The following SERPINB8 variants were observed in gnomAD, a reference collection of about 807,000 sequenced individuals.
SERPINB8 encodes serpin family B member 8, also known as serpin B8.
A neutral mutation model predicts 35.3 loss-of-function variants in SERPINB8; 25 were observed. That is an observed-to-expected ratio of 0.71 (90% CI 0.52 to 0.99). The LOEUF is 0.99. Ranked by LOEUF, SERPINB8 falls within the 50% of genes least tolerant of loss-of-function variation. The probability of loss-of-function intolerance (pLI) is 0.00; values close to 1 mark genes in which losing one functional copy is unlikely to be tolerated. For synonymous variants in SERPINB8, 186 were observed against 160.8 expected, an observed-to-expected ratio of 1.16 and a Z score of -1.19; for missense variants, 484 against 446.5, an observed-to-expected ratio of 1.08 and a Z score of -0.76.
At chr18:63,997,556 T>A (rs1465495013) in intron 1 of SERPINB8, among the ~76,000 whole-genome samples, 2 of 152,176 alleles carry the variant, frequency 1.3e-5, no homozygotes, top group African/African-American at 4.8e-5. Flanking sequence ...TATGCTGGAA[T>A]GAGGTGCAGC....
rs139748351 is a variant in SERPINB8, at chr18:64,015,111, G to A, written c.*3-3799G>A. On this transcript the variant is annotated intron_variant, in intron 7 of 7. Coordinates refer to the SERPINB8 transcript ENST00000636430. ...ATACCATATTCTAGAAGCATAATGG[G>A]CAAAAAGTTTTTGTCCCTGTGGCTG... Among the ~76,000 whole-genome samples, 46 of 152,158 alleles carry A rather than the reference G, an allele frequency of 3.0e-4. No homozygotes were observed. The East Asian group carries it at 8.7e-3, about 29-fold the overall frequency.
chr18:63,991,275 A>G (rs529666877), downstream of SERPINB8, among the ~76,000 whole-genome samples: 1 of 152,210 alleles, frequency 6.6e-6, no homozygotes, highest in East Asian at 1.9e-4. Context: ...TTTGATTAGG[A>G]CTGTGTGAAT....
At chr18:64,018,686 A>G (rs1405791581) in intron 7 of SERPINB8, among the ~76,000 whole-genome samples, 1 of 152,182 alleles carries the variant, frequency 6.6e-6, no homozygotes. Flanking sequence ...ATACTCAGAG[A>G]AACCATTGGA....
rs2050781640 is a variant in SERPINB8 at position 63,987,591 on chromosome 18, C to T, written c.*313C>T. ...TGGAGCATCTCAGGGCTTCAGGAGC[C>T]AGCCCTCTTCCATCCGCCCGGCTCT... On this transcript the variant is annotated 3_prime_UTR_variant, in exon 7 of 7. Transcript: ENST00000397985. 1.4e-5 allele frequency: 3 copies of T among 213,304 alleles called. No individual in the cohort carries two copies. Among genetic ancestry groups the T allele is most frequent in the Non-Finnish European group, 1.6e-5 (2 of 122,622 alleles). The allele number at this position is 213,304 out of a possible 1,614,324, so 13.2% of individuals were successfully genotyped here. A position where few individuals can be genotyped will look rare whatever the true frequency, so the allele number is the denominator to read the frequency against.
intron 1 of SERPINB8, among the ~76,000 whole-genome samples, chr18:63,971,952 C>T (rs1484652189): frequency 6.6e-6 from 1 of 152,142 alleles, no homozygotes; most frequent in African/African-American, 2.4e-5. Flanking sequence ...TTATTTGCAT[C>T]CCCCATTTCA....
At chr18:63,985,061 T>C in intron 5 of SERPINB8, 32 bp from the exon 6 acceptor site, 1 of 1,610,920 alleles carries the variant, frequency 6.2e-7, no homozygotes, top group Non-Finnish European at 8.5e-7. Flanking sequence ...TATACCCACT[T>C]TTCAGTAATC....
Position 63,986,864 on chromosome 18 carries a change from C to T in SERPINB8, c.721-10C>T. On this transcript the variant is annotated splice_polypyrimidine_tract_variant and intron_variant, in intron 6 of 6. Coordinates refer to ENST00000397985, the MANE Select transcript of SERPINB8 (RefSeq NM_002640.4). ...TCTAAATTTTAAGGTTTGAGTCTTTCTTATCCTAGGTGGAAAAAGCACTTA... is the reference window on the plus strand; with the variant it reads ...TCTAAATTTTAAGGTTTGAGTCTTTTTTATCCTAGGTGGAAAAAGCACTTA... 1 of 1,594,840 alleles carries T rather than the reference C, an allele frequency of 6.3e-7. No individual in the cohort carries two copies. The highest frequency in any genetic ancestry group is 8.5e-7 in the Non-Finnish European group (1 of 1,172,486).
chr18:64,002,932 G>A (rs956783624), intron 1 of SERPINB8, among the ~76,000 whole-genome samples: 3 of 152,212 alleles, frequency 2.0e-5, no homozygotes, highest in Non-Finnish European at 2.9e-5. Context: ...GGGATAATAA[G>A]GTCTGTGGGT....
intron 1 of SERPINB8, among the ~76,000 whole-genome samples, chr18:63,976,158 A>G (rs1376942274): frequency 6.6e-6 from 1 of 152,254 alleles, no homozygotes; most frequent in African/African-American, 2.4e-5. Context: ...AAAGGATAAT[A>G]TAATAGAAAA....
chr18:63,984,977 C>T (rs1294995971), intron 5 of SERPINB8, 116 bp from the exon 6 acceptor site: 8 of 944,692 alleles, frequency 8.5e-6, no homozygotes, highest in Non-Finnish European at 1.3e-5. Context: ...TATCTATCAG[C>T]ATAAATGTGC....
intron 1 of SERPINB8, among the ~76,000 whole-genome samples, chr18:63,994,584 G>A (rs143302780): frequency 6.6e-5 from 10 of 152,058 alleles, no homozygotes; most frequent in Non-Finnish European, 2.9e-5. Context: ...GAAGCTTTTC[G>A]GTTCCGAGGG....
chr18:63,979,740 G>T (rs1478565156), intron 2 of SERPINB8, 61 bp from the exon 3 acceptor site: 27 of 1,597,252 alleles, frequency 1.7e-5, no homozygotes, highest in Non-Finnish European at 2.0e-5. Flanking sequence ...TTTGTTTGGA[G>T]AAAGCTCTTT....
Position 63,978,299 on chromosome 18 carries a change from A to T in SERPINB8, c.-10A>T. Reference sequence around the variant, plus strand: ...TTTCCCTGCTGTGCCTTTGATGCAGACCTTCTCTGATGGATGACCTCTGTG... The same window carrying T: ...TTTCCCTGCTGTGCCTTTGATGCAGTCCTTCTCTGATGGATGACCTCTGTG... On this transcript the variant is annotated splice_region_variant and 5_prime_UTR_variant, in exon 2 of 7. Coordinates refer to ENST00000397985, the MANE Select transcript of SERPINB8 (RefSeq NM_002640.4). The T allele has an allele frequency of 6.2e-7, 1 of 1,614,144 alleles. No individual in the cohort carries two copies. Among genetic ancestry groups the T allele is most frequent in the Non-Finnish European group, 8.5e-7 (1 of 1,180,020 alleles).
Position 63,987,485 on chromosome 18 carries a change from T to C in SERPINB8, c.*207T>C, listed in dbSNP as rs2050779800. On this transcript the variant is annotated 3_prime_UTR_variant, in exon 7 of 7. Coordinates refer to ENST00000397985, the MANE Select transcript of SERPINB8 (RefSeq NM_002640.4). ...ATGAAATTTGGGCCTGGGAAGGCTATGCTGGTTTTGGAGTGTTTGGGGTGC... is the reference window on the plus strand; with the variant it reads ...ATGAAATTTGGGCCTGGGAAGGCTACGCTGGTTTTGGAGTGTTTGGGGTGC... 1.7e-6 allele frequency: 1 copy of C among 583,984 alleles called. No homozygotes were observed. Among genetic ancestry groups the C allele is most frequent in the Admixed American group, 3.3e-5 (1 of 30,466 alleles). The allele number at this position is 583,984 out of a possible 1,614,324, so 36.2% of individuals were successfully genotyped here. A position where few individuals can be genotyped will look rare whatever the true frequency, so the allele number is the denominator to read the frequency against.
intron 1 of SERPINB8, among the ~76,000 whole-genome samples, chr18:63,996,416 A>G (rs983369008): frequency 2.0e-5 from 3 of 152,228 alleles, no homozygotes; most frequent in Admixed American, 6.5e-5. Context: ...GGAACTTGGT[A>G]TGGGACAGTT....
In SERPINB8 at chr18:63,986,401, C is replaced by T. The variant is rs950951813; in HGVS notation, c.721-473C>T. 3.7e-4 allele frequency: 574 copies of T among 1,532,304 alleles called. 1 individual carries two copies. Among genetic ancestry groups the T allele is most frequent in the Non-Finnish European group, 1.3e-4 (147 of 1,143,106 alleles). The allele number at this position is 1,532,304 out of a possible 1,614,324, so 94.9% of individuals were successfully genotyped here. On this transcript the variant is annotated intron_variant, in intron 6 of 6. Coordinates refer to ENST00000397985, the MANE Select transcript of SERPINB8 (RefSeq NM_002640.4). Reference sequence around the variant, plus strand: ...CCTCCCTTCATCTTCAGATGAAACACAATTCCCTCTCTTTTACTCTGAGTT... The same window carrying T: ...CCTCCCTTCATCTTCAGATGAAACATAATTCCCTCTCTTTTACTCTGAGTT...
At chr18:63,980,341 G>A (rs1197462498) in intron 3 of SERPINB8, among the ~76,000 whole-genome samples, 2 of 152,088 alleles carry the variant, frequency 1.3e-5, no homozygotes, top group African/African-American at 2.4e-5. Flanking sequence ...TGACACAATC[G>A]TCTTTCTAAA....
At chr18:64,015,698 G>A (rs2050946707) in intron 7 of SERPINB8, among the ~76,000 whole-genome samples, 1 of 152,084 alleles carries the variant, frequency 6.6e-6, no homozygotes, top group Non-Finnish European at 1.5e-5. Flanking sequence ...TCTAACATTT[G>A]TTTCATCTTC....
chr18:63,980,074 A>G, intron 3 of SERPINB8, 136 bp downstream of exon 3: 1 of 828,464 alleles, frequency 1.2e-6, no homozygotes, highest in East Asian at 2.7e-5. Flanking sequence ...TTTAGATTTT[A>G]TGATGACTTC....
Sources: allele counts gnomAD v4.1 joint callset (sites outside exome capture counted in the v4.1 genomes callset), GRCh38; gene constraint gnomAD v4.1.1; transcripts MANE v1.5; gene names NCBI Gene and HGNC (gene_info 2026-07-23, HGNC 2026-07-21).